ABCC9: variants seen among roughly 807,000 people sequenced by gnomAD.
ABCC9 encodes ATP binding cassette subfamily C member 9.
A neutral mutation model predicts 188.3 loss-of-function variants in ABCC9; 95 were observed. The ratio of observed to expected loss-of-function variants is 0.50; its 90% confidence interval spans 0.43 to 0.60. The LOEUF is 0.60. Ranked by LOEUF, ABCC9 falls within the 20% of genes least tolerant of loss-of-function variation. The pLI is 0.00. For missense variants in ABCC9, 1,102 were observed against 1,876.3 expected (o/e 0.59, Z 7.62); for synonymous variants, 659 against 652.7 (o/e 1.01, Z -0.15).
At chr12:21,834,102 A>G (rs537737424) in intron 30 of ABCC9, among the ~76,000 whole-genome samples, 2 of 152,282 alleles carry the variant, frequency 1.3e-5, no homozygotes, top group African/African-American at 4.8e-5. Flanking sequence ...TGCTAAGGTT[A>G]TCAATAGCTT....
chr12:21,908,067 T>C lies in ABCC9; in HGVS notation c.1455+10A>G, dbSNP rs1555113022. 1 of 1,611,804 alleles carries C rather than the reference T, an allele frequency of 6.2e-7. No individual in the cohort carries two copies. Among genetic ancestry groups the C allele is most frequent in the Non-Finnish European group, 8.5e-7 (1 of 1,178,496 alleles). The stretch of plus-strand genomic sequence containing the variant: ...TTTTTGTAATTAAGTTTCCAAAAGA[T>C]GTTACTTACAAGTGTACTTTTCTGA... On this transcript the variant is annotated intron_variant, in intron 11 of 39. Transcript: ENST00000261200.
chr12:21,807,339 C>T lies in ABCC9; in HGVS notation c.4449+7G>A, dbSNP rs1482562843. 3.7e-6 allele frequency: 6 copies of T among 1,613,802 alleles called. No homozygotes were observed. Among genetic ancestry groups the T allele is most frequent in the South Asian group, 1.1e-5 (1 of 91,084 alleles). On this transcript the variant is annotated splice_region_variant and intron_variant, in intron 38 of 39. Coordinates refer to ENST00000261200, the MANE Select transcript of ABCC9 (RefSeq NM_020297.4). Reference sequence around the variant, plus strand: ...GTCAATTTTAAAAGCTTAGATAATGCACTCACTGTGGCCATGTCAATGGAA... The same window carrying T: ...GTCAATTTTAAAAGCTTAGATAATGTACTCACTGTGGCCATGTCAATGGAA...
intron 31 of ABCC9, among the ~76,000 whole-genome samples, chr12:21,818,458 ATATATCTATATC>A (rs112311983): frequency 3.4e-5 from 5 of 147,246 alleles, no homozygotes; most frequent in South Asian, 2.1e-4. Flanking sequence ...CTCTCACTAT[ATATATCTATATC>A]TATATCTATA....
At chr12:21,907,643 T>A (rs533396610) in intron 11 of ABCC9, among the ~76,000 whole-genome samples, 2 of 152,154 alleles carry the variant, frequency 1.3e-5, no homozygotes, top group East Asian at 3.9e-4. Flanking sequence ...TCAATGTGAC[T>A]CCATAGATCC....
rs552445795 is a variant in ABCC9, at chr12:21,850,194, A to G, written c.2769+1903T>C. Among the ~76,000 whole-genome samples the G allele has an allele frequency of 9.2e-5, 14 of 151,540 alleles. No individual in the cohort carries two copies. The South Asian group carries it at 2.9e-3, about 32-fold the overall frequency. On this transcript the variant is annotated intron_variant, in intron 24 of 39. Transcript: ENST00000261200. ...TCCCCCTGCCCCAGTTTGTGACAAC[A>G]AAAATGTCTCCAAATGTTGCCAAAT...
rs148044401 is a variant in ABCC9, at chr12:21,895,710, A to AT, written c.1619-396dup. Reference sequence around the variant, plus strand: ...TATGTGAAATCAGGTTATTACACAGATTAAAAACAAGAACTTGACATCACT... The same window carrying AT: ...TATGTGAAATCAGGTTATTACACAGATTTAAAAACAAGAACTTGACATCACT... On this transcript the variant is annotated intron_variant, in intron 12 of 39. Transcript: ENST00000261200. Among the ~76,000 whole-genome samples the AT allele has an allele frequency of 4.0e-3, 605 of 152,338 alleles. 2 individuals carry two copies. Among genetic ancestry groups the AT allele is most frequent in the African/African-American group, 0.014 (586 of 41,566 alleles).
In ABCC9 at chr12:21,857,803, G is replaced by A. The variant is rs555326421; in HGVS notation, c.2505+1783C>T. 2.0e-4 allele frequency among the ~76,000 whole-genome samples: 31 copies of A among 152,172 alleles called. 1 individual carries two copies. In the South Asian group the frequency reaches 2.1e-3, roughly 10 times the overall value. On this transcript the variant is annotated intron_variant, in intron 22 of 39. Coordinates refer to ENST00000261200, the MANE Select transcript of ABCC9 (RefSeq NM_020297.4). ...AAAAGCAAGAATATTGACTATTCCC[G>A]TCCCCAGAAGGGAACACAGCCCTGC...
At chr12:21,875,054 T>C (rs1306639995) in intron 17 of ABCC9, among the ~76,000 whole-genome samples, 2 of 148,550 alleles carry the variant, frequency 1.3e-5, no homozygotes, top group African/African-American at 5.0e-5. Context: ...ATAAGTCTCA[T>C]GTTAAGTGTT....
At chr12:21,898,050 C>T (rs929725775) in intron 12 of ABCC9, among the ~76,000 whole-genome samples, 1 of 152,014 alleles carries the variant, frequency 6.6e-6, no homozygotes, top group Non-Finnish European at 1.5e-5. Context: ...GCCTGTAATC[C>T]CACCACTTTG....
intron 39 of ABCC9, among the ~76,000 whole-genome samples, chr12:21,803,985 G>A (rs1451599247): frequency 6.6e-6 from 1 of 152,122 alleles, no homozygotes; most frequent in East Asian, 1.9e-4. Context: ...AAGAGTTTAA[G>A]TTAATTCTAT....
Position 21,915,734 on chromosome 12 carries a change from TTTTCC to T in ABCC9, c.745_749del (p.Gly249IlefsTer19), listed in dbSNP as rs1948576558. 1 of 1,612,744 alleles carries T rather than the reference TTTTCC, an allele frequency of 6.2e-7. No homozygotes were observed. Among genetic ancestry groups the T allele is most frequent in the Admixed American group, 1.7e-5 (1 of 59,834 alleles). ...TTACTGCTCTCATTGCTATTGGCAATTTTCCAATTGCCTTCAGATCAATAGGCTTT... is the reference window on the plus strand; with the variant it reads ...TTACTGCTCTCATTGCTATTGGCAATAATTGCCTTCAGATCAATAGGCTTT... On this transcript the variant is annotated frameshift_variant, in exon 7 of 40. Transcript: ENST00000261200. LOFTEE classifies it high-confidence loss of function.
chr12:21,936,435 C>T, intron 3 of ABCC9, 98 bp downstream of exon 3: 1 of 1,076,248 alleles, frequency 9.3e-7, no homozygotes, highest in Non-Finnish European at 1.4e-6. Context: ...CCATCAGCTT[C>T]CATGTTACAG....
intron 12 of ABCC9, among the ~76,000 whole-genome samples, chr12:21,902,360 G>T (rs564425031): frequency 2.0e-5 from 3 of 151,868 alleles, no homozygotes; most frequent in Non-Finnish European, 4.4e-5. Flanking sequence ...GATCTAAAAC[G>T]GACACCCTAA....
In ABCC9 at chr12:21,933,762, A is replaced by G. The variant is rs774931620; in HGVS notation, c.284+20T>C. On this transcript the variant is annotated intron_variant, in intron 4 of 39. Transcript: ENST00000261200. ...CCCACTGGTATACTGCAGTGGTATT[A>G]TTTAACTTAGATCACTTACGAGTCT... 1 of 1,613,064 alleles carries G rather than the reference A, an allele frequency of 6.2e-7. No individual in the cohort carries two copies. Among genetic ancestry groups the G allele is most frequent in the South Asian group, 1.1e-5 (1 of 91,050 alleles).
rs760519217 is a variant in ABCC9 at position 21,838,058 on chromosome 12, A to G, written c.3566+20T>C. 1.3e-6 allele frequency: 2 copies of G among 1,568,580 alleles called. No homozygotes were observed. Among genetic ancestry groups the G allele is most frequent in the Non-Finnish European group, 1.8e-6 (2 of 1,138,654 alleles). ...TGATGTTATTGCCTAGTCAGCTAAT[A>G]TAAAAATGTGTTTACTCACCTAAAG... On this transcript the variant is annotated intron_variant, in intron 30 of 39. Transcript: ENST00000261200.
chr12:21,934,208 G>A (rs1458782419), intron 3 of ABCC9, among the ~76,000 whole-genome samples: 2 of 152,020 alleles, frequency 1.3e-5, no homozygotes, highest in Non-Finnish European at 2.9e-5. Context: ...CTAATCAGAA[G>A]CTCTTCCTGA....
At chr12:21,851,426 T>C (rs1303825384) in intron 24 of ABCC9, among the ~76,000 whole-genome samples, 1 of 152,186 alleles carries the variant, frequency 6.6e-6, no homozygotes, top group African/African-American at 2.4e-5. Flanking sequence ...TGTACAACTT[T>C]AGGTAAGTTA....
At chr12:21,939,600 A>G (rs1394076334) in intron 2 of ABCC9, among the ~76,000 whole-genome samples, 1 of 152,080 alleles carries the variant, frequency 6.6e-6, no homozygotes, top group Non-Finnish European at 1.5e-5. Flanking sequence ...CCCCTTCTGG[A>G]GCTGTTTAGA....
At chr12:21,899,401 G>T (rs1282439283) in intron 12 of ABCC9, among the ~76,000 whole-genome samples, 1 of 152,198 alleles carries the variant, frequency 6.6e-6, no homozygotes, top group Non-Finnish European at 1.5e-5. Flanking sequence ...GAAGACGGGT[G>T]ACTTCTGCAT....
Sources: allele counts gnomAD v4.1 joint callset (sites outside exome capture counted in the v4.1 genomes callset), GRCh38; gene constraint gnomAD v4.1.1; transcripts MANE v1.5; gene names NCBI Gene and HGNC (gene_info 2026-07-23, HGNC 2026-07-21).